Variants in DPP6 observed in about 807,000 individuals in gnomAD.
The protein encoded by DPP6 is A-type potassium channel modulatory protein DPP6.
In DPP6, 69 loss-of-function variants were observed where a neutral mutation model predicts 122.6. The observed-to-expected ratio is 0.56, with a 90% CI of 0.46 to 0.69. The LOEUF (loss-of-function observed/expected upper bound fraction) is 0.69, where lower values mean the gene tolerates loss of function less well. DPP6 is among the 30% of genes least tolerant of loss of function. The pLI is 0.00. For missense variants in DPP6, 928 were observed against 1,116.9 expected, an observed-to-expected ratio of 0.83 and a Z score of 2.41; for synonymous variants, 418 against 433.1, an observed-to-expected ratio of 0.97 and a Z score of 0.43.
intron 8 of DPP6, among the ~76,000 whole-genome samples, chr7:154,740,576 C>T (rs935437456): frequency 2.1e-4 from 32 of 152,328 alleles, no homozygotes; most frequent in South Asian, 8.3e-4. Flanking sequence ...AACTCCTTTC[C>T]GTCTCTAACC....
At chr7:153,771,402 C>T in the DPP6 span, among the ~76,000 whole-genome samples, 120 of 152,246 alleles carry the variant, frequency 7.9e-4, no homozygotes, top group African/African-American at 2.7e-3. Flanking sequence ...TGCAATGGCA[C>T]GATCTGGCCT....
intron 8 of DPP6, among the ~76,000 whole-genome samples, chr7:154,758,269 G>A (rs1795275078): frequency 6.6e-6 from 1 of 152,196 alleles, no homozygotes; most frequent in Middle Eastern, 3.2e-3. Context: ...AGCTGCCTCA[G>A]AAGGCCCGCA....
intron 10 of DPP6, among the ~76,000 whole-genome samples, chr7:154,773,349 T>C (rs1796364874): frequency 1.3e-5 from 2 of 152,244 alleles, no homozygotes; most frequent in South Asian, 4.1e-4. Flanking sequence ...TGGCAAATTC[T>C]ATTCTAATAA....
chr7:154,029,388 G>A (rs899954924), intron 1 of DPP6, among the ~76,000 whole-genome samples: 4 of 151,686 alleles, frequency 2.6e-5, no homozygotes, highest in Non-Finnish European at 5.9e-5. Context: ...GCGGTGGCGG[G>A]CGCCTGTAGT....
At chr7:154,749,128 GAGA>G (rs1243223821) in intron 8 of DPP6, among the ~76,000 whole-genome samples, 3 of 150,658 alleles carry the variant, frequency 2.0e-5, no homozygotes, top group Non-Finnish European at 4.4e-5. Flanking sequence ...GGACCGGAAA[GAGA>G]AGGATGGCGG....
At chr7:153,905,792 C>G (rs538192309) in intron 1 of DPP6, among the ~76,000 whole-genome samples, 33 of 152,140 alleles carry the variant, frequency 2.2e-4, no homozygotes, top group Admixed American at 3.9e-4. Flanking sequence ...ATGCTGGGAA[C>G]AAGGAAGTCC....
At chr7:154,865,693 C>T (rs534654187) in intron 17 of DPP6, among the ~76,000 whole-genome samples, 1 of 152,232 alleles carries the variant, frequency 6.6e-6, no homozygotes, top group African/African-American at 2.4e-5. Flanking sequence ...AGTCTGGCCT[C>T]AGTTTTTCCA....
At chr7:154,834,513 C>A (rs912143721) in intron 16 of DPP6, among the ~76,000 whole-genome samples, 9 of 151,866 alleles carry the variant, frequency 5.9e-5, no homozygotes, top group Admixed American at 2.0e-4. Context: ...ACAAAAAAAA[C>A]CAGCTCCCAT....
At chr7:154,111,594 A>C in intron 1 of DPP6, among the ~76,000 whole-genome samples, 1 of 151,216 alleles carries the variant, frequency 6.6e-6, no homozygotes, top group Non-Finnish European at 1.5e-5. Flanking sequence ...CAGATGGGAT[A>C]ATAAAAATGA....
chr7:154,804,635 G>T (rs976216080), intron 14 of DPP6, among the ~76,000 whole-genome samples: 1 of 152,184 alleles, frequency 6.6e-6, no homozygotes, highest in African/African-American at 2.4e-5. Context: ...CCACATTCAG[G>T]TGTGTGTCAC....
intron 1 of DPP6, among the ~76,000 whole-genome samples, chr7:154,340,490 G>C (rs1469978721): frequency 3.3e-5 from 5 of 152,136 alleles, no homozygotes; most frequent in Admixed American, 6.5e-5. Context: ...CCTTCGCTCA[G>C]GTTTCCTGGC....
intron 1 of DPP6, among the ~76,000 whole-genome samples, chr7:154,400,916 T>TTACTGGC (rs1815517093): frequency 6.6e-6 from 1 of 152,122 alleles, no homozygotes; most frequent in Non-Finnish European, 1.5e-5. Context: ...TTTAAATGTA[T>TTACTGGC]TACTGGCTGG....
chr7:154,488,771 A>G (rs1824018115), intron 3 of DPP6, among the ~76,000 whole-genome samples: 1 of 152,124 alleles, frequency 6.6e-6, no homozygotes, highest in Non-Finnish European at 1.5e-5. Context: ...GCTATGTCCT[A>G]TGGAAGGTAC....
intron 1 of DPP6, among the ~76,000 whole-genome samples, chr7:154,062,821 AC>A (rs1294991661): frequency 8.6e-6 from 1 of 115,768 alleles, no homozygotes; most frequent in Non-Finnish European, 1.8e-5. Context: ...GGGGGGAGGC[AC>A]CCCCCGCGAG....
chr7:154,455,236 C>T (rs993368642), intron 2 of DPP6, among the ~76,000 whole-genome samples: 5 of 152,114 alleles, frequency 3.3e-5, no homozygotes, highest in East Asian at 1.9e-4. Context: ...CCCGGAGCTG[C>T]GAGGAGACAG....
At chr7:153,856,509 A>G in the DPP6 span, among the ~76,000 whole-genome samples, 1 of 152,210 alleles carries the variant, frequency 6.6e-6, no homozygotes, top group East Asian at 1.9e-4. Context: ...TACAAAAAAT[A>G]TTTAGTACAC....
At position 154,892,453 on chromosome 7, in the gene DPP6, A is replaced by G; in HGVS notation, c.2571A>G (p.Thr857=). The change falls in exon 26 of 26, where the codon ACA becomes ACG. Residue 857 remains threonine (T), a synonymous_variant. Transcript: ENST00000377770. ...FRIQDKLLTV[T]AKEDEEED is the part of the protein sequence containing the mutation. The stretch of plus-strand genomic sequence containing the variant: ...TCCAGGACAAACTGCTGACAGTCAC[A>G]GCGAAAGAGGACGAGGAGGAGGACT... 1 of 1,614,014 alleles carries G rather than the reference A, an allele frequency of 6.2e-7. No homozygotes were observed. The highest frequency in any genetic ancestry group is 2.2e-5 in the East Asian group (1 of 44,866).
intron 1 of DPP6, among the ~76,000 whole-genome samples, chr7:154,354,137 G>A (rs1012851796): frequency 2.6e-5 from 4 of 152,146 alleles, no homozygotes; most frequent in African/African-American, 7.2e-5. Context: ...CAAAGTGCAC[G>A]CCTGGGGAAG....
chr7:154,206,620 A>G (rs1421044150), intron 1 of DPP6, among the ~76,000 whole-genome samples: 2 of 152,156 alleles, frequency 1.3e-5, no homozygotes, highest in Non-Finnish European at 2.9e-5. Flanking sequence ...TAATTGTAAG[A>G]TTGTATAAAG....
Sources: gnomAD v4.1 joint callset for allele counts (sites outside exome capture counted in the v4.1 genomes callset) on GRCh38, gnomAD v4.1.1 for gene constraint, MANE v1.5 for transcripts, NCBI Gene and HGNC (gene_info 2026-07-23, HGNC 2026-07-21) for gene names.